The following ST6GAL2 variants were observed in gnomAD, a reference collection of about 807,000 sequenced individuals.
ST6GAL2 encodes beta-galactoside alpha-2,6-sialyltransferase 2.
In ST6GAL2, 24 loss-of-function variants were observed where a neutral mutation model predicts 37.5. The ratio of observed to expected loss-of-function variants is 0.64; its 90% CI spans 0.46 to 0.90. The LOEUF (loss-of-function observed/expected upper bound fraction) is 0.90, where lower values mean the gene tolerates loss of function less well. ST6GAL2 is among the 40% of genes least tolerant of loss of function. ST6GAL2 has a pLI of 0.00. For missense variants in ST6GAL2, 715 were observed against 712.7 expected (o/e 1.00, Z -0.04); for synonymous variants, 306 against 295.1 (o/e 1.04, Z -0.38).
intron 1 of ST6GAL2, among the ~76,000 whole-genome samples, chr2:106,876,469 C>T (rs947039755): frequency 6.6e-6 from 1 of 152,070 alleles, no homozygotes; most frequent in African/African-American, 2.4e-5. Flanking sequence ...TCCTGGTTAA[C>T]TTTACCTTAT....
Position 106,834,042 on chromosome 2 carries a change from GT to G in ST6GAL2, c.1041+6del. 1 of 1,601,890 alleles carries G rather than the reference GT, an allele frequency of 6.2e-7. No homozygotes were observed. The highest frequency in any genetic ancestry group is 8.5e-7 in the Non-Finnish European group (1 of 1,169,622). ...ATACATCCATGAAAACACTCCATCT[GT>G]CTTACCTGCGAATTAATGATGCGTA... On this transcript the variant is annotated splice_donor_region_variant and intron_variant, in intron 3 of 5. Coordinates refer to ENST00000409382, the MANE Select transcript of ST6GAL2 (RefSeq NM_001142351.2).
chr2:106,867,004 A>C (rs1678055533), intron 1 of ST6GAL2, among the ~76,000 whole-genome samples: 1 of 152,226 alleles, frequency 6.6e-6, no homozygotes, highest in African/African-American at 2.4e-5. Flanking sequence ...TTACATTTTT[A>C]ATTTTTCTTT....
chr2:106,830,803 A>C (rs1024885901), intron 4 of ST6GAL2, among the ~76,000 whole-genome samples: 2 of 152,144 alleles, frequency 1.3e-5, no homozygotes, highest in Non-Finnish European at 2.9e-5. Flanking sequence ...TGGGGCTGGG[A>C]AGATTAACTA....
intron 1 of ST6GAL2, among the ~76,000 whole-genome samples, chr2:106,845,028 G>T (rs528633513): frequency 1.9e-4 from 29 of 152,312 alleles, no homozygotes; most frequent in African/African-American, 7.0e-4. Context: ...TATGTTTGTG[G>T]AATAATAACT....
intron 1 of ST6GAL2, among the ~76,000 whole-genome samples, chr2:106,862,610 C>G (rs1480992764): frequency 6.6e-6 from 1 of 150,722 alleles, no homozygotes; most frequent in Non-Finnish European, 1.5e-5. Context: ...TGGGTTTGCA[C>G]TGAATTATGT....
chr2:106,834,850 A>G (rs1416830683), intron 2 of ST6GAL2: 2 of 152,234 alleles, frequency 1.3e-5, no homozygotes, highest in East Asian at 3.8e-4. Context: ...TTCTATAACC[A>G]CACACCGTGC....
At chr2:106,807,168 ATC>A (rs201111932) in intron 5 of ST6GAL2, among the ~76,000 whole-genome samples, 3 of 152,172 alleles carry the variant, frequency 2.0e-5, no homozygotes, top group African/African-American at 2.4e-5. Context: ...ATATATATAT[ATC>A]TATTCGCTCA....
intron 1 of ST6GAL2, among the ~76,000 whole-genome samples, chr2:106,879,154 T>A (rs1372874535): frequency 1.3e-5 from 2 of 152,130 alleles, no homozygotes; most frequent in African/African-American, 4.8e-5. Context: ...TTAACAGTCA[T>A]GAGACAATAC....
rs142819275 is a variant in ST6GAL2 at position 106,808,982 on chromosome 2, G to A, written c.1319-2033C>T. Among the ~76,000 whole-genome samples the A allele has an allele frequency of 9.6e-3, 1,467 of 152,262 alleles. 27 individuals carry two copies. The highest frequency in any genetic ancestry group is 0.033 in the African/African-American group (1,367 of 41,554). The stretch of plus-strand genomic sequence containing the variant: ...AGATTGCACCACTGGACTCCAGCCT[G>A]GGCAACAGAGCAAGACTCTGTCTCA... On this transcript the variant is annotated intron_variant, in intron 5 of 5. Transcript: ENST00000409382.
At chr2:106,823,442 AACACAC>A (rs60795605) in intron 5 of ST6GAL2, among the ~76,000 whole-genome samples, 36 of 101,596 alleles carry the variant, frequency 3.5e-4, no homozygotes, top group African/African-American at 9.7e-4. Flanking sequence ...CCCAGCAGAA[AACACAC>A]ACACACACAC....
chr2:106,876,819 G>GT (rs1678522314), intron 1 of ST6GAL2, among the ~76,000 whole-genome samples: 1 of 152,154 alleles, frequency 6.6e-6, no homozygotes, highest in African/African-American at 2.4e-5. Context: ...GACAGATAGG[G>GT]TAACTGCATA....
intron 5 of ST6GAL2, among the ~76,000 whole-genome samples, chr2:106,815,115 T>C (rs1376661127): frequency 6.6e-6 from 1 of 152,228 alleles, no homozygotes; most frequent in Non-Finnish European, 1.5e-5. Flanking sequence ...ATAGTACATG[T>C]AACACAATCC....
chr2:106,808,612 G>A (rs563616956), intron 5 of ST6GAL2, among the ~76,000 whole-genome samples: 110 of 152,188 alleles, frequency 7.2e-4, no homozygotes, highest in Middle Eastern at 6.8e-3. Flanking sequence ...CACCAATTGA[G>A]GAAAAGGAAG....
chr2:106,836,412 C>A (rs6712075), intron 2 of ST6GAL2, among the ~76,000 whole-genome samples: 1 of 152,028 alleles, frequency 6.6e-6, no homozygotes, highest in East Asian at 1.9e-4. Flanking sequence ...GGGTTGGTTA[C>A]AATTTGGAAT....
Position 106,843,264 on chromosome 2 carries a change from G to A in ST6GAL2, c.714C>T (p.Phe238=), listed in dbSNP as rs1244386185. ...YLTANKHGVR[F]RGKREAGLSR... ...TCAGCCCGGCCTCCCGCTTCCCGCG[G>A]AAGCGCACCCCGTGCTTGTTGGCGG... Residue 238 remains phenylalanine, a synonymous_variant, in exon 2 of 6, where the codon TTC becomes TTT. Coordinates refer to ENST00000409382, the MANE Select transcript of ST6GAL2 (RefSeq NM_001142351.2). 2.5e-6 allele frequency: 4 copies of A among 1,603,490 alleles called. No homozygotes were observed. The highest frequency in any genetic ancestry group is 1.3e-5 in the African/African-American group (1 of 74,790).
rs1675285115 is a variant in ST6GAL2, at chr2:106,802,359, G to A, written c.*4319C>T. 1 of 151,434 alleles carries A rather than the reference G, an allele frequency of 6.6e-6. No individual in the cohort carries two copies. The highest frequency in any genetic ancestry group is 1.5e-5 in the Non-Finnish European group (1 of 67,860). The allele number at this position is 151,434 out of a possible 1,614,324, so 9.4% of individuals were successfully genotyped here. A position where few individuals can be genotyped will look rare whatever the true frequency, so the allele number is the denominator to read the frequency against. The stretch of plus-strand genomic sequence containing the variant: ...CACAATTATATAACTATATCTACAT[G>A]TACACTTTTCATACTAAGAACTAGA... On this transcript the variant is annotated 3_prime_UTR_variant, in exon 6 of 6. Transcript: ENST00000409382.
intron 1 of ST6GAL2, among the ~76,000 whole-genome samples, chr2:106,875,893 T>C (rs1409075841): frequency 6.6e-6 from 1 of 152,228 alleles, no homozygotes; most frequent in East Asian, 1.9e-4. Context: ...CCACTTGCAA[T>C]ATTAAATTTT....
intron 2 of ST6GAL2, among the ~76,000 whole-genome samples, chr2:106,837,686 C>A (rs1676704392): frequency 6.6e-6 from 1 of 152,202 alleles, no homozygotes; most frequent in Non-Finnish European, 1.5e-5. Flanking sequence ...ACCCACCCCT[C>A]AGACACAGCC....
intron 1 of ST6GAL2, among the ~76,000 whole-genome samples, chr2:106,850,358 G>C (rs1255636542): frequency 6.6e-6 from 1 of 152,126 alleles, no homozygotes; most frequent in African/African-American, 2.4e-5. Context: ...GGCTCTCTGA[G>C]CATCTTTAAA....
Sources: allele counts gnomAD v4.1 joint callset (sites outside exome capture counted in the v4.1 genomes callset), GRCh38; gene constraint gnomAD v4.1.1; transcripts MANE v1.5; gene names NCBI Gene and HGNC (gene_info 2026-07-23, HGNC 2026-07-21).